The following PYGO1 variants were observed in gnomAD, a reference collection of about 807,000 sequenced individuals.
PYGO1 encodes the protein pygopus homolog 1.
A neutral mutation model predicts 29.5 loss-of-function variants in PYGO1; 6 were observed. The observed-to-expected ratio is 0.20, with a 90% CI of 0.11 to 0.40. The LOEUF (loss-of-function observed/expected upper bound fraction) is 0.40, where lower values mean the gene tolerates loss of function less well. PYGO1 is among the 10% of genes least tolerant of loss of function. The pLI, the probability that PYGO1 is intolerant of heterozygous loss-of-function variation, is 1.00. For missense variants in PYGO1, 515 were observed against 514.9 expected (o/e 1.00, Z 0.00); for synonymous variants, 186 against 180.5 (o/e 1.03, Z -0.24).
intron 1 of PYGO1, among the ~76,000 whole-genome samples, chr15:55,570,379 T>A (rs1047068796): frequency 1.3e-5 from 2 of 152,210 alleles, no homozygotes; most frequent in Non-Finnish European, 2.9e-5. Flanking sequence ...TTTTCAAATT[T>A]TACTCTGATT....
chr15:55,588,726 G>C (rs533935721), upstream of PYGO1: 6 of 1,484,616 alleles, frequency 4.0e-6, no homozygotes, highest in African/African-American at 6.9e-5. Flanking sequence ...GCAAGGAAAG[G>C]GCATCTCCGA....
intron 1 of PYGO1, among the ~76,000 whole-genome samples, chr15:55,570,251 C>G (rs1315356812): frequency 1.3e-5 from 2 of 152,168 alleles, no homozygotes; most frequent in Non-Finnish European, 2.9e-5. Flanking sequence ...TGAATTAAAG[C>G]TCACAGAGTT....
chr15:55,588,680 C>CGA, upstream of PYGO1: 1 of 1,077,770 alleles, frequency 9.3e-7, no homozygotes, highest in Non-Finnish European at 1.3e-6. Context: ...CCGAGAACGC[C>CGA]CGACCCCGCG....
intron 1 of PYGO1, among the ~76,000 whole-genome samples, chr15:55,554,395 G>A (rs1405506876): frequency 2.0e-5 from 3 of 150,382 alleles, no homozygotes; most frequent in Non-Finnish European, 2.9e-5. Context: ...CGTGAACATG[G>A]GAGGTGGAGC....
At chr15:55,580,809 T>G (rs2059022165) in intron 1 of PYGO1, among the ~76,000 whole-genome samples, 1 of 152,162 alleles carries the variant, frequency 6.6e-6, no homozygotes, top group Non-Finnish European at 1.5e-5. Context: ...TAAAGATGAC[T>G]TAGACCTATC....
At chr15:55,550,650 C>G (rs557871815) in intron 1 of PYGO1, among the ~76,000 whole-genome samples, 1 of 152,208 alleles carries the variant, frequency 6.6e-6, no homozygotes, top group Non-Finnish European at 1.5e-5. Flanking sequence ...CCTGCAGTCA[C>G]TGTCCATGCT....
chr15:55,560,113 A>G (rs1309896684), intron 1 of PYGO1, among the ~76,000 whole-genome samples: 2 of 152,154 alleles, frequency 1.3e-5, no homozygotes, highest in African/African-American at 4.8e-5. Flanking sequence ...ATTCCCCTTG[A>G]AAACTGGCAA....
chr15:55,546,579 G>A lies in PYGO1; in HGVS notation c.704C>T (p.Pro235Leu). ...TTGAGTAAAGTCTTGTTTTGGGGGT[G>A]GTGCTTTTGCTTGACCAAAAGTGTT... ...PPNTFGQAKA[P>L]PPKQDFTQGA... Residue 235 changes from proline (P) to leucine (L), a missense_variant, in exon 3 of 3, where the codon CCA (proline) becomes CTA (leucine). Pro to Leu is a moderately conservative substitution (Grantham distance 98). Transcript: ENST00000563719. 6.2e-7 allele frequency: 1 copy of A among 1,613,884 alleles called. No homozygotes were observed. Among genetic ancestry groups the A allele is most frequent in the South Asian group, 1.1e-5 (1 of 91,066 alleles).
chr15:55,575,512 A>G (rs1459427203), intron 1 of PYGO1, among the ~76,000 whole-genome samples: 2 of 152,150 alleles, frequency 1.3e-5, no homozygotes, highest in Non-Finnish European at 2.9e-5. Flanking sequence ...AAAAAAATCA[A>G]TCACCCTGTT....
intron 1 of PYGO1, among the ~76,000 whole-genome samples, chr15:55,550,067 A>C (rs2058871927): frequency 6.6e-6 from 1 of 152,236 alleles, no homozygotes; most frequent in Admixed American, 6.5e-5. Context: ...ATAATCCTTC[A>C]TATAATTTCA....
At chr15:55,586,981 C>T (rs1408205043) in intron 1 of PYGO1, among the ~76,000 whole-genome samples, 3 of 152,208 alleles carry the variant, frequency 2.0e-5, no homozygotes, top group African/African-American at 7.2e-5. Flanking sequence ...ACTGCTGTAT[C>T]CCAGTAACAA....
chr15:55,575,229 GTCCTAC>G (rs1377304262), intron 1 of PYGO1, among the ~76,000 whole-genome samples: 1 of 152,128 alleles, frequency 6.6e-6, no homozygotes, highest in Non-Finnish European at 1.5e-5. Flanking sequence ...AGATTCCTGA[GTCCTAC>G]TCCCAAAGAT....
At chr15:55,560,698 C>G (rs1230436019) in intron 1 of PYGO1, among the ~76,000 whole-genome samples, 1 of 152,168 alleles carries the variant, frequency 6.6e-6, no homozygotes, top group Non-Finnish European at 1.5e-5. Context: ...CACAGTGGCC[C>G]ACACCTATAA....
intron 1 of PYGO1, among the ~76,000 whole-genome samples, chr15:55,557,790 C>T (rs529472251): frequency 6.6e-6 from 1 of 152,180 alleles, no homozygotes; most frequent in Admixed American, 6.5e-5. Flanking sequence ...CAAAATTCAA[C>T]AGCCCTTCAT....
chr15:55,562,343 G>A (rs1482933857), intron 1 of PYGO1, among the ~76,000 whole-genome samples: 1 of 152,150 alleles, frequency 6.6e-6, no homozygotes, highest in African/African-American at 2.4e-5. Flanking sequence ...CCTGGATATA[G>A]ACCCAAAGGT....
intron 1 of PYGO1, among the ~76,000 whole-genome samples, chr15:55,586,623 T>C (rs983841671): frequency 6.6e-6 from 1 of 152,220 alleles, no homozygotes; most frequent in Non-Finnish European, 1.5e-5. Context: ...GCAGTTACAA[T>C]AGCTTCTTTG....
At chr15:55,555,807 T>C (rs1225079082) in intron 1 of PYGO1, among the ~76,000 whole-genome samples, 2 of 151,844 alleles carry the variant, frequency 1.3e-5, no homozygotes, top group African/African-American at 2.4e-5. Context: ...AAGACACACA[T>C]AGGCTCAAAA....
rs1245655149 is a variant in PYGO1, at chr15:55,539,369, T to A, written c.*6654A>T. The A allele has an allele frequency of 6.6e-6, 1 of 152,082 alleles. No individual in the cohort carries two copies. Among genetic ancestry groups the A allele is most frequent in the African/African-American group, 2.4e-5 (1 of 41,438 alleles). The allele number at this position is 152,082 out of a possible 1,614,324, so 9.4% of individuals were successfully genotyped here. On this transcript the variant is annotated 3_prime_UTR_variant, in exon 3 of 3. Coordinates refer to ENST00000563719, the MANE Select transcript of PYGO1 (RefSeq NM_001367806.1). Reference sequence around the variant, plus strand: ...CCTTAAAGAGTCAAACTTTCCATTATCTACTATATTCAATCAGTTATCAAG... The same window carrying A: ...CCTTAAAGAGTCAAACTTTCCATTAACTACTATATTCAATCAGTTATCAAG...
intron 1 of PYGO1, among the ~76,000 whole-genome samples, chr15:55,556,215 G>A (rs544908260): frequency 1.2e-4 from 18 of 152,106 alleles, no homozygotes; most frequent in East Asian, 1.2e-3. Flanking sequence ...TCTTTTCATC[G>A]ACACATGGCA....
Sources: allele counts gnomAD v4.1 joint callset (sites outside exome capture counted in the v4.1 genomes callset), GRCh38; gene constraint gnomAD v4.1.1; transcripts MANE v1.5; gene names NCBI Gene and HGNC (gene_info 2026-07-23, HGNC 2026-07-21).